Variants in CKMT1A observed in about 807,000 individuals in gnomAD.
The protein encoded by CKMT1A is creatine kinase, mitochondrial 1A.
CKMT1A carries 23 observed loss-of-function variants against 21.8 expected under a neutral mutation model. The ratio of observed to expected loss-of-function variants is 1.05; its 90% CI spans 0.76 to 1.49. CKMT1A has a LOEUF of 1.49. Among genes scored for constraint, CKMT1A ranks in the 40% most tolerant of loss-of-function variants. CKMT1A has a pLI of 0.00. For synonymous variants in CKMT1A, 67 were observed against 80.4 expected, an observed-to-expected ratio of 0.83 and a Z score of 0.89; for missense variants, 154 against 229.4, an observed-to-expected ratio of 0.67 and a Z score of 2.12.
At chr15:43,696,172 CT>C (rs752896610) in intron 5 of CKMT1A, 48 bp downstream of exon 5, 15 of 1,315,792 alleles carry the variant, frequency 1.1e-5, no homozygotes, top group East Asian at 2.3e-5. Flanking sequence ...CTCATAAATG[CT>C]TTTTTTCCCT....
rs1567144789 is a variant in CKMT1A, at chr15:43,699,029, G to T, written c.1194G>T (p.Arg398=). The change falls in exon 9 of 9, where the codon CGG becomes CGT. Residue 398 remains arginine (R), a synonymous_variant. Coordinates refer to ENST00000413453, the MANE Select transcript of CKMT1A (RefSeq NM_001321926.2). ...DGVNYLIDCE[R]RLERGQDIRI... The stretch of plus-strand genomic sequence containing the variant: ...TAAACTATTTGATTGATTGTGAACG[G>T]CGTCTGGAGAGAGGCCAGGATATCC... The T allele has an allele frequency of 6.2e-7, 1 of 1,613,466 alleles. No homozygotes were observed.
At chr15:43,697,580 T>G in intron 6 of CKMT1A, 2 of 984,254 alleles carry the variant, frequency 2.0e-6, no homozygotes, top group Non-Finnish European at 1.2e-6. Flanking sequence ...TAGAACGTTA[T>G]CTCACCTCTT....
intron 8 of CKMT1A, 93 bp downstream of exon 8, chr15:43,698,859 G>A: frequency 6.2e-7 from 1 of 1,603,470 alleles, no homozygotes; most frequent in Non-Finnish European, 8.5e-7. Flanking sequence ...AACATAATCT[G>A]AAATGAAATT....
chr15:43,699,079 C>T lies in CKMT1A; in HGVS notation c.1244C>T (p.Thr415Ile). 6.2e-7 allele frequency: 1 copy of T among 1,613,526 alleles called. No individual in the cohort carries two copies. Among genetic ancestry groups the T allele is most frequent in the Non-Finnish European group, 8.5e-7 (1 of 1,179,892 alleles). The change falls in exon 9 of 9, where the codon ACC (threonine) becomes ATC (isoleucine). Residue 415 changes from threonine (T) to isoleucine (I), a missense_variant. Coordinates refer to ENST00000413453, the MANE Select transcript of CKMT1A (RefSeq NM_001321926.2). ...DIRIPTPVIH[T>I]KH ...CGCATCCCCACACCTGTCATCCACA[C>T]CAAGCATTAACTCCCCATCGCCAGC...
chr15:43,698,771 G>C lies in CKMT1A; in HGVS notation c.1137+5G>C. On this transcript the variant is annotated splice_donor_5th_base_variant and intron_variant, in intron 8 of 8. Coordinates refer to ENST00000413453, the MANE Select transcript of CKMT1A (RefSeq NM_001321926.2). The stretch of plus-strand genomic sequence containing the variant: ...GACCGACTAGGCAAATCAGAGGTGA[G>C]ATCCTAAGGGATTAGGATGAGGAGA... The C allele has an allele frequency of 1.2e-6, 2 of 1,613,710 alleles. No homozygotes were observed. Among genetic ancestry groups the C allele is most frequent in the Non-Finnish European group, 1.7e-6 (2 of 1,179,846 alleles).
At chr15:43,698,596 C>G (rs2086488845) in intron 7 of CKMT1A, 45 bp from the exon 8 acceptor site, 8 of 1,590,840 alleles carry the variant, frequency 5.0e-6, no homozygotes, top group Non-Finnish European at 6.9e-6. Flanking sequence ...TAGGACTAGT[C>G]TCTGCCTCTA....
At chr15:43,698,455 G>A (rs1237671231) in intron 7 of CKMT1A, among the ~76,000 whole-genome samples, 186 bp from the exon 8 acceptor site, 1 of 150,446 alleles carries the variant, frequency 6.6e-6, no homozygotes, top group African/African-American at 2.4e-5. Flanking sequence ...GGGAAGTCGA[G>A]GCTTCAGTGA....
intron 5 of CKMT1A, 55 bp downstream of exon 5, chr15:43,696,179 T>TC (rs950590282): frequency 7.3e-7 from 1 of 1,369,000 alleles, no homozygotes; most frequent in Non-Finnish European, 1.0e-6. Flanking sequence ...ATGCTTTTTT[T>TC]CCCTCTATCT....
In CKMT1A at chr15:43,699,214, T is replaced by A. The variant is rs564208863; in HGVS notation, c.*125T>A. ...CTCCATCCTAGTAAAGACTCCTTGC[T>A]ATGCTGCAGCTGTCTGTGTTACTTC... On this transcript the variant is annotated 3_prime_UTR_variant, in exon 9 of 9. Coordinates refer to ENST00000413453, the MANE Select transcript of CKMT1A (RefSeq NM_001321926.2). The A allele has an allele frequency of 4.6e-4, 662 of 1,437,914 alleles. 5 individuals carry two copies. The highest frequency in any genetic ancestry group is 5.6e-4 in the Non-Finnish European group (586 of 1,044,422). 89.1% of individuals were successfully genotyped at this position (1,437,914 alleles called of 1,614,324 possible).
Position 43,698,957 on chromosome 15 carries a change from G to C in CKMT1A, c.1138-16G>C. 6.2e-7 allele frequency: 1 copy of C among 1,613,588 alleles called. No homozygotes were observed. Among genetic ancestry groups the C allele is most frequent in the Non-Finnish European group, 8.5e-7 (1 of 1,179,828 alleles). ...CAGACTGTAGGAAGCAGAGATCAAA[G>C]ATTAGTGTCCTTCAGGTGGAGCTGG... is the stretch of plus-strand genomic sequence containing the variant. On this transcript the variant is annotated splice_polypyrimidine_tract_variant and intron_variant, in intron 8 of 8. Transcript: ENST00000413453.
chr15:43,696,159 G>T, intron 5 of CKMT1A, 35 bp downstream of exon 5: 1 of 1,144,800 alleles, frequency 8.7e-7, no homozygotes, highest in Non-Finnish European at 1.2e-6. Flanking sequence ...TTGTCTTCAT[G>T]CCCTCATAAA....
intron 6 of CKMT1A, chr15:43,696,611 T>A (rs1307329860): frequency 3.3e-6 from 2 of 614,514 alleles, no homozygotes; most frequent in East Asian, 2.9e-5. Context: ...AGGCAGGTAA[T>A]GCAAAGAAGG....
intron 5 of CKMT1A, 36 bp downstream of exon 5, chr15:43,696,160 C>G (rs746303098): frequency 3.5e-6 from 4 of 1,152,308 alleles, no homozygotes; most frequent in Non-Finnish European, 1.2e-6. Context: ...TGTCTTCATG[C>G]CCTCATAAAT....
chr15:43,698,718 A>C lies in CKMT1A; in HGVS notation c.1089A>C (p.Thr363=). Residue 363 remains threonine (T), a synonymous_variant, in exon 8 of 9, where the codon ACA becomes ACC. Coordinates refer to ENST00000413453, the MANE Select transcript of CKMT1A (RefSeq NM_001321926.2). Reference sequence around the variant, plus strand: ...CTGGAGGAGTGGACACTGCTGCCACAGGCGGTGTCTTTGATATTTCTAATT... The same window carrying C: ...CTGGAGGAGTGGACACTGCTGCCACCGGCGGTGTCTTTGATATTTCTAATT... The part of the protein sequence containing the change: ...RGTGGVDTAA[T]GGVFDISNLD... The C allele has an allele frequency of 6.2e-7, 1 of 1,613,726 alleles. No homozygotes were observed. The highest frequency in any genetic ancestry group is 8.5e-7 in the Non-Finnish European group (1 of 1,179,878).
intron 6 of CKMT1A, chr15:43,697,256 T>C (rs1177588624): frequency 2.4e-5 from 29 of 1,229,888 alleles, no homozygotes; most frequent in Non-Finnish European, 1.0e-6. Context: ...AAGTGCTTAA[T>C]AAGTGTTAAA....
intron 6 of CKMT1A, chr15:43,697,253 T>C: frequency 1.6e-6 from 2 of 1,224,998 alleles, no homozygotes; most frequent in Non-Finnish European, 2.1e-6. Context: ...AGTAAGTGCT[T>C]AATAAGTGTT....
In CKMT1A at chr15:43,698,960, T is replaced by A; in HGVS notation, c.1138-13T>A. 6.2e-7 allele frequency: 1 copy of A among 1,613,518 alleles called. No homozygotes were observed. Among genetic ancestry groups the A allele is most frequent in the Non-Finnish European group, 8.5e-7 (1 of 1,179,842 alleles). On this transcript the variant is annotated splice_polypyrimidine_tract_variant and intron_variant, in intron 8 of 8. Transcript: ENST00000413453. ...ACTGTAGGAAGCAGAGATCAAAGAT[T>A]AGTGTCCTTCAGGTGGAGCTGGTGC...
intron 8 of CKMT1A, 21 bp downstream of exon 8, chr15:43,698,787 G>A: frequency 6.2e-7 from 1 of 1,613,562 alleles, no homozygotes; most frequent in Non-Finnish European, 8.5e-7. Flanking sequence ...AAGGGATTAG[G>A]ATGAGGAGAG....
At position 43,699,177 on chromosome 15, in the gene CKMT1A, C is replaced by T. The variant is rs1596003637; in HGVS notation, c.*88C>T. The T allele has an allele frequency of 8.7e-6, 14 of 1,603,516 alleles. 1 individual carries two copies. Among genetic ancestry groups the T allele is most frequent in the South Asian group, 4.4e-5 (4 of 89,954 alleles). On this transcript the variant is annotated 3_prime_UTR_variant, in exon 9 of 9. Coordinates refer to ENST00000413453, the MANE Select transcript of CKMT1A (RefSeq NM_001321926.2). ...ATTCTACTTGCTCTGGACCTGCCCTCGCATCCCCTGCCTCCATCCTAGTAA... is the reference window on the plus strand; with the variant it reads ...ATTCTACTTGCTCTGGACCTGCCCTTGCATCCCCTGCCTCCATCCTAGTAA...
Sources: allele counts gnomAD v4.1 joint callset (sites outside exome capture counted in the v4.1 genomes callset), GRCh38; gene constraint gnomAD v4.1.1; transcripts MANE v1.5; gene names NCBI Gene and HGNC (gene_info 2026-07-23, HGNC 2026-07-21).